IL1RAPL2: variants seen among roughly 807,000 people sequenced by gnomAD.
IL1RAPL2 encodes interleukin 1 receptor accessory protein like 2.
A neutral mutation model predicts 44.1 loss-of-function variants in IL1RAPL2; 3 were observed. The observed-to-expected ratio is 0.07, with a 90% confidence interval of 0.03 to 0.18. The LOEUF is 0.18. Ranked by LOEUF, IL1RAPL2 falls within the 10% of genes least tolerant of loss-of-function variation. The pLI, the probability that IL1RAPL2 is intolerant of heterozygous loss-of-function variation, is 1.00. For synonymous variants in IL1RAPL2, 181 were observed against 178.8 expected (o/e 1.01, Z -0.10); for missense variants, 391 against 496.4 (o/e 0.79, Z 2.02).
chrX:105,331,797 A>G (rs2034988565), intron 5 of IL1RAPL2, among the ~76,000 whole-genome samples: 1 of 111,673 alleles, frequency 9.0e-6, no homozygotes, highest in Non-Finnish European at 1.9e-5. Flanking sequence ...TTCAAATAAA[A>G]TACTACCAAA....
Position 105,169,492 on chromosome X carries a change from C to CTTT in IL1RAPL2, c.83-25955_83-25953dup, listed in dbSNP as rs748101220. ...TGAGAAACTTTCAGTTTCTTTCTTT[C>CTTT]TTTTTTTTTTTTTTTTTTTTTTTTT... On this transcript the variant is annotated intron_variant, in intron 2 of 10. Transcript: ENST00000372582. Among the ~76,000 whole-genome samples the CTTT allele has an allele frequency of 4.6e-3, 192 of 41,538 alleles. 34 individuals carry two copies. The highest frequency in any genetic ancestry group is 0.02 in the African/African-American group (142 of 7,253). The allele number at this position is 41,538 out of a possible 115,157, so 36.1% of individuals were successfully genotyped here. A position where few individuals can be genotyped will look rare whatever the true frequency, so the allele number is the denominator to read the frequency against.
chrX:104,608,804 A>G (rs1929080622), intron 1 of IL1RAPL2, among the ~76,000 whole-genome samples: 1 of 109,064 alleles, frequency 9.2e-6, no homozygotes, highest in African/African-American at 3.4e-5. Context: ...TCTTTATCCA[A>G]TTTGCCAGTC....
chrX:104,972,920 T>A (rs748109176), intron 2 of IL1RAPL2, among the ~76,000 whole-genome samples: 3 of 112,153 alleles, frequency 2.7e-5, no homozygotes, highest in Admixed American at 9.4e-5. Context: ...CAGAAGTAGG[T>A]CATGGTGCCC....
intron 2 of IL1RAPL2, among the ~76,000 whole-genome samples, chrX:104,997,282 T>C (rs2147734630): frequency 8.9e-6 from 1 of 112,060 alleles, no homozygotes; most frequent in African/African-American, 3.2e-5. Context: ...CATATTGAAA[T>C]GACAATATTT....
At chrX:105,056,559 C>T (rs975737777) in intron 2 of IL1RAPL2, among the ~76,000 whole-genome samples, 1 of 111,513 alleles carries the variant, frequency 9.0e-6, no homozygotes, top group Non-Finnish European at 1.9e-5. Flanking sequence ...AGAGAACTCA[C>T]CATTACCATT....
chrX:105,040,096 G>C (rs1198766945), intron 2 of IL1RAPL2, among the ~76,000 whole-genome samples: 3 of 111,301 alleles, frequency 2.7e-5, no homozygotes, highest in Non-Finnish European at 3.8e-5. Flanking sequence ...ATGAAGGGTT[G>C]TTGAATTTTG....
chrX:105,586,642 C>T (rs2037130834), intron 6 of IL1RAPL2, among the ~76,000 whole-genome samples: 1 of 112,022 alleles, frequency 8.9e-6, no homozygotes, highest in Non-Finnish European at 1.9e-5. Context: ...CATTCTGGCT[C>T]ATAGGAACAC....
chrX:105,266,881 T>G (rs2034407129), intron 4 of IL1RAPL2, among the ~76,000 whole-genome samples: 1 of 111,797 alleles, frequency 8.9e-6, no homozygotes, highest in African/African-American at 3.2e-5. Context: ...GTTTTTATAA[T>G]AAGGAGTAAT....
At chrX:105,641,431 A>G (rs769329222) in intron 6 of IL1RAPL2, among the ~76,000 whole-genome samples, 54 of 111,302 alleles carry the variant, frequency 4.9e-4, no homozygotes, top group Admixed American at 4.6e-3. Flanking sequence ...GACAATCTTG[A>G]TATTCAACAA....
intron 1 of IL1RAPL2, among the ~76,000 whole-genome samples, chrX:104,636,354 C>G (rs1929805627): frequency 8.9e-6 from 1 of 112,226 alleles, no homozygotes; most frequent in African/African-American, 3.2e-5. Context: ...GGGAGAACCA[C>G]TACTCTCTTC....
intron 6 of IL1RAPL2, among the ~76,000 whole-genome samples, chrX:105,661,250 C>T (rs768250328): frequency 8.9e-6 from 1 of 111,856 alleles, no homozygotes; most frequent in African/African-American, 3.2e-5. Context: ...TATTTGAACA[C>T]AACAATGGAT....
Position 105,669,750 on chromosome X carries a change from T to C in IL1RAPL2, c.773-47617T>C, listed in dbSNP as rs538837974. On this transcript the variant is annotated intron_variant, in intron 6 of 10. Transcript: ENST00000372582. The stretch of plus-strand genomic sequence containing the variant: ...AGAAATCCTTCATGTTGCACTTCTA[T>C]AGTAACACCCATTTCCCTCCCACCA... 3.4e-4 allele frequency among the ~76,000 whole-genome samples: 38 copies of C among 110,244 alleles called. No individual in the cohort carries two copies. In the South Asian group the frequency reaches 0.015, roughly 43 times the overall value.
intron 2 of IL1RAPL2, among the ~76,000 whole-genome samples, chrX:105,040,032 C>G (rs1392245654): frequency 9.1e-6 from 1 of 110,178 alleles, no homozygotes; most frequent in Non-Finnish European, 1.9e-5. Context: ...ATAGATAGCT[C>G]TTATTATTTT....
At chrX:104,663,245 G>T (rs1289044356) in intron 2 of IL1RAPL2, among the ~76,000 whole-genome samples, 1 of 111,457 alleles carries the variant, frequency 9.0e-6, no homozygotes, top group Non-Finnish European at 1.9e-5. Context: ...CGACCATAAA[G>T]GCAAAAGTAG....
At chrX:105,127,985 G>A (rs1210755102) in intron 2 of IL1RAPL2, among the ~76,000 whole-genome samples, 1 of 110,822 alleles carries the variant, frequency 9.0e-6, no homozygotes, top group Non-Finnish European at 1.9e-5. Flanking sequence ...AATACATATA[G>A]TACTCAGAGA....
At chrX:104,877,548 G>T (rs1922941740) in intron 2 of IL1RAPL2, among the ~76,000 whole-genome samples, 1 of 112,481 alleles carries the variant, frequency 8.9e-6, no homozygotes, top group South Asian at 3.6e-4. Context: ...TTCAGGTAAA[G>T]TTTTTGTTAA....
intron 2 of IL1RAPL2, among the ~76,000 whole-genome samples, chrX:104,951,965 A>T (rs943793072): frequency 2.4e-4 from 27 of 112,326 alleles, no homozygotes; most frequent in African/African-American, 8.1e-4. Context: ...TTGAGACAGG[A>T]CTGTAATGCA....
chrX:104,663,347 T>TATTGTTATATAATTATA (rs1930435108), intron 2 of IL1RAPL2, among the ~76,000 whole-genome samples: 1 of 111,374 alleles, frequency 9.0e-6, no homozygotes, highest in Non-Finnish European at 1.9e-5. Flanking sequence ...TTGTGAAATT[T>TATTGTTATATAATTATA]ATTGTTATAT....
chrX:105,334,680 G>A (rs867670098), intron 5 of IL1RAPL2, among the ~76,000 whole-genome samples: 1 of 110,986 alleles, frequency 9.0e-6, no homozygotes, highest in Non-Finnish European at 1.9e-5. Flanking sequence ...TTTAAAAAAT[G>A]CTCTCCTGGA....
Sources: allele counts gnomAD v4.1 joint callset (sites outside exome capture counted in the v4.1 genomes callset), GRCh38; gene constraint gnomAD v4.1.1; transcripts MANE v1.5; gene names NCBI Gene and HGNC (gene_info 2026-07-23, HGNC 2026-07-21).